The following LARGE1 variants were observed in gnomAD, a reference collection of about 807,000 sequenced individuals.
The protein encoded by LARGE1 is xylosyl- and glucuronyltransferase LARGE1.
LARGE1 carries 43 observed loss-of-function variants against 87.6 expected under a neutral mutation model. The observed-to-expected ratio is 0.49, with a 90% confidence interval of 0.38 to 0.63. The LOEUF is 0.63. Ranked by LOEUF, LARGE1 falls within the 30% of genes least tolerant of loss-of-function variation. The pLI is 0.00. For missense variants in LARGE1, 802 were observed against 1,000.2 expected (o/e 0.80, Z 2.67); for synonymous variants, 434 against 394.6 (o/e 1.10, Z -1.18).
intron 2 of LARGE1, among the ~76,000 whole-genome samples, chr22:33,739,859 G>A (rs554609139): frequency 8.5e-5 from 13 of 152,290 alleles, no homozygotes; most frequent in South Asian, 2.1e-4. Context: ...GGAAGGAGGC[G>A]GGGGATGAGA....
chr22:33,913,323 T>C (rs757081380), intron 1 of LARGE1, among the ~76,000 whole-genome samples: 22 of 152,220 alleles, frequency 1.4e-4, no homozygotes, highest in Non-Finnish European at 2.8e-4. Flanking sequence ...AAGGAACTTA[T>C]GAAGGTGGGT....
At chr22:33,323,594 T>TA (rs200730500) in intron 10 of LARGE1, among the ~76,000 whole-genome samples, 1,600 of 151,948 alleles carry the variant, frequency 0.011, 30 homozygotes, top group African/African-American at 0.036. Context: ...AAGCAGGCCA[T>TA]AAAAAACTGT....
intron 6 of LARGE1, among the ~76,000 whole-genome samples, chr22:33,519,558 A>C (rs1193985289): frequency 2.6e-5 from 4 of 151,728 alleles, no homozygotes; most frequent in Non-Finnish European, 4.4e-5. Flanking sequence ...GGCTCCAGAC[A>C]CTCCCCACCC....
At chr22:33,244,457 C>T (rs1926664250) in intron 11 of LARGE1, among the ~76,000 whole-genome samples, 1 of 152,146 alleles carries the variant, frequency 6.6e-6, no homozygotes, top group Non-Finnish European at 1.5e-5. Flanking sequence ...GAATCCAAGC[C>T]TCTGACTTTT....
intron 3 of LARGE1, among the ~76,000 whole-genome samples, chr22:33,643,219 A>G (rs559973463): frequency 9.3e-5 from 14 of 151,038 alleles, no homozygotes; most frequent in Non-Finnish European, 1.8e-4. Context: ...GTGCAATCAA[A>G]TTAGAGCTCA....
chr22:33,125,089 G>C, the LARGE1 span, among the ~76,000 whole-genome samples: 1 of 152,176 alleles, frequency 6.6e-6, no homozygotes, highest in Non-Finnish European at 1.5e-5. Flanking sequence ...CCGTGGCAAA[G>C]GGTAGTAACT....
chr22:33,628,374 T>C (rs1280143893), intron 3 of LARGE1, among the ~76,000 whole-genome samples: 4 of 151,002 alleles, frequency 2.6e-5, no homozygotes, highest in Non-Finnish European at 5.9e-5. Flanking sequence ...TGGAATGAAG[T>C]GGCACTATCT....
At chr22:33,302,372 G>C (rs1342757864) in intron 12 of LARGE1, among the ~76,000 whole-genome samples, 2 of 152,116 alleles carry the variant, frequency 1.3e-5, no homozygotes, top group African/African-American at 4.8e-5. Context: ...TGCTGCCTAG[G>C]GGTCGCTGAC....
chr22:33,549,412 G>T (rs1001790747), intron 6 of LARGE1, among the ~76,000 whole-genome samples: 2 of 152,120 alleles, frequency 1.3e-5, no homozygotes, highest in African/African-American at 4.8e-5. Context: ...TTGTAATTTC[G>T]AGGGAAGACC....
chr22:33,246,487 A>T (rs1926765033), intron 11 of LARGE1, among the ~76,000 whole-genome samples: 1 of 152,074 alleles, frequency 6.6e-6, no homozygotes, highest in Non-Finnish European at 1.5e-5. Flanking sequence ...CTCCACCAAA[A>T]ATACAAAAAT....
At chr22:33,229,620 T>C (rs962182978) in intron 11 of LARGE1, among the ~76,000 whole-genome samples, 6 of 152,220 alleles carry the variant, frequency 3.9e-5, no homozygotes, top group South Asian at 4.1e-4. Context: ...AATTATGAGA[T>C]ATTTGAAAAT....
chr22:33,440,675 A>G (rs139234664), intron 6 of LARGE1, among the ~76,000 whole-genome samples: 2 of 152,382 alleles, frequency 1.3e-5, no homozygotes, highest in African/African-American at 4.8e-5. Flanking sequence ...ACCTCCTGAA[A>G]GAGCTGCTAC....
Position 33,274,047 on chromosome 22 carries a change from C to T in LARGE1, c.*380G>A. On this transcript the variant is annotated 3_prime_UTR_variant, in exon 15 of 15. Transcript: ENST00000397394. ...GAATAACCCCTAGAACCCTGACTTC[C>T]CTTTCTCCCCAGTTATGATGGGAAG... The T allele has an allele frequency of 2.6e-6, 1 of 391,844 alleles. No individual in the cohort carries two copies. The highest frequency in any genetic ancestry group is 4.6e-6 in the Non-Finnish European group (1 of 215,854). 24.3% of individuals were successfully genotyped at this position (391,844 alleles called of 1,614,324 possible). A position where few individuals can be genotyped will look rare whatever the true frequency, so the allele number is the denominator to read the frequency against.
At chr22:33,189,568 A>G (rs149299565) in intron 11 of LARGE1, among the ~76,000 whole-genome samples, 1 of 152,284 alleles carries the variant, frequency 6.6e-6, no homozygotes, top group African/African-American at 2.4e-5. Flanking sequence ...TACTTCCCTA[A>G]CTAGAGAAAG....
chr22:33,872,561 C>A (rs1399416728), intron 1 of LARGE1, among the ~76,000 whole-genome samples: 1 of 152,034 alleles, frequency 6.6e-6, no homozygotes, highest in African/African-American at 2.4e-5. Context: ...ACATCCTTTA[C>A]GCCCTTGAAC....
chr22:33,415,880 C>T (rs764327815), intron 7 of LARGE1, among the ~76,000 whole-genome samples: 1 of 152,178 alleles, frequency 6.6e-6, no homozygotes, highest in African/African-American at 2.4e-5. Context: ...TGTTTAAGAA[C>T]CTTCCAGCTT....
chr22:33,549,024 A>G (rs749524359), intron 6 of LARGE1, among the ~76,000 whole-genome samples: 36 of 152,214 alleles, frequency 2.4e-4, no homozygotes, highest in Non-Finnish European at 4.3e-4. Flanking sequence ...GTTATTAATG[A>G]AAAAAGTATC....
intron 5 of LARGE1, among the ~76,000 whole-genome samples, chr22:33,603,641 A>T (rs534603326): frequency 6.6e-6 from 1 of 152,124 alleles, no homozygotes; most frequent in African/African-American, 2.4e-5. Flanking sequence ...ATAAGCAAAG[A>T]CTCAAACACA....
intron 10 of LARGE1, among the ~76,000 whole-genome samples, chr22:33,333,297 C>T (rs1221278677): frequency 3.9e-5 from 6 of 152,168 alleles, no homozygotes; most frequent in East Asian, 1.9e-4. Context: ...GGATTACAGG[C>T]GTGAGCCACT....
Sources: gnomAD v4.1 joint callset for allele counts (sites outside exome capture counted in the v4.1 genomes callset) on GRCh38, gnomAD v4.1.1 for gene constraint, MANE v1.5 for transcripts, NCBI Gene and HGNC (gene_info 2026-07-23, HGNC 2026-07-21) for gene names.